KCNC2: variants seen among roughly 807,000 people sequenced by gnomAD.
KCNC2 encodes potassium voltage-gated channel subfamily C member 2, also known as voltage-gated potassium channel KCNC2.
KCNC2 carries 21 observed loss-of-function variants against 44.5 expected under a neutral mutation model. That is an observed-to-expected ratio of 0.47 (90% CI 0.33 to 0.68). KCNC2 has a LOEUF of 0.68. KCNC2 is among the 30% of genes least tolerant of loss of function. KCNC2 has a pLI of 0.01. For synonymous variants in KCNC2, 391 were observed against 339.1 expected (o/e 1.15, Z -1.68); for missense variants, 589 against 826.2 (o/e 0.71, Z 3.52).
At chr12:75,055,284 G>C (rs1881618890) in intron 2 of KCNC2, among the ~76,000 whole-genome samples, 1 of 151,678 alleles carries the variant, frequency 6.6e-6, no homozygotes, top group African/African-American at 2.4e-5. Context: ...ATGAATAAAA[G>C]GTAAGTAATA....
At chr12:75,110,680 G>A (rs1484268881) in intron 2 of KCNC2, among the ~76,000 whole-genome samples, 3 of 152,042 alleles carry the variant, frequency 2.0e-5, no homozygotes, top group Non-Finnish European at 4.4e-5. Context: ...TTGATATGTG[G>A]TGTTCTAATT....
chr12:75,131,987 G>C (rs1457857698), intron 2 of KCNC2, among the ~76,000 whole-genome samples: 6 of 152,112 alleles, frequency 3.9e-5, no homozygotes, highest in Non-Finnish European at 8.8e-5. Flanking sequence ...TGTTACAGTA[G>C]CCACAGAAAA....
intron 2 of KCNC2, among the ~76,000 whole-genome samples, chr12:75,197,810 A>T (rs906989243): frequency 2.0e-5 from 3 of 151,998 alleles, no homozygotes; most frequent in African/African-American, 7.2e-5. Context: ...GACTATAGTG[A>T]TAAAGAAACC....
At chr12:75,192,580 A>C (rs2030388092) in intron 2 of KCNC2, among the ~76,000 whole-genome samples, 1 of 152,202 alleles carries the variant, frequency 6.6e-6, no homozygotes, top group African/African-American at 2.4e-5. Flanking sequence ...AGAATTTTTC[A>C]TTTACTGTTA....
Position 75,042,206 on chromosome 12 carries a change from ATTT to A in KCNC2, c.*896_*898del. 5 of 1,057,078 alleles carry A rather than the reference ATTT, an allele frequency of 4.7e-6. No individual in the cohort carries two copies. The highest frequency in any genetic ancestry group is 3.8e-6 in the Non-Finnish European group (3 of 797,764). 65.5% of individuals were successfully genotyped at this position (1,057,078 alleles called of 1,614,324 possible). The stretch of plus-strand genomic sequence containing the variant: ...CTGAAAATGATGACAAACCCTGGGT[ATTT>A]TTTTTTTTTAAAGAGTCTAGAACCA... On this transcript the variant is annotated 3_prime_UTR_variant, in exon 5 of 5. Transcript: ENST00000549446.
intron 2 of KCNC2, among the ~76,000 whole-genome samples, chr12:75,096,735 C>T (rs191710350): frequency 1.2e-4 from 18 of 152,086 alleles, no homozygotes; most frequent in African/African-American, 3.4e-4. Context: ...AGGAAATAAG[C>T]TTATTCATAT....
At chr12:75,201,279 A>G (rs1389642796) in intron 2 of KCNC2, among the ~76,000 whole-genome samples, 1 of 123,682 alleles carries the variant, frequency 8.1e-6, no homozygotes, top group South Asian at 2.6e-4. Context: ...AAAAAAAAAA[A>G]AAAAAAAAAA....
chr12:75,090,178 C>T (rs1885353743), intron 2 of KCNC2, among the ~76,000 whole-genome samples: 1 of 151,796 alleles, frequency 6.6e-6, no homozygotes, highest in South Asian at 2.1e-4. Context: ...AAACACATTA[C>T]TTTCAGAAAT....
chr12:75,101,613 C>T (rs1331070399), intron 2 of KCNC2, among the ~76,000 whole-genome samples: 3 of 152,034 alleles, frequency 2.0e-5, no homozygotes, highest in Non-Finnish European at 4.4e-5. Context: ...TTTCTAAGAG[C>T]TAACGAGTGT....
intron 2 of KCNC2, among the ~76,000 whole-genome samples, chr12:75,105,409 G>C (rs1886702915): frequency 1.3e-5 from 1 of 79,104 alleles, no homozygotes; most frequent in South Asian, 3.5e-4. Context: ...GTGTAGATCT[G>C]TGGAAGGACT....
Position 75,051,183 on chromosome 12 carries a change from A to G in KCNC2, c.822T>C (p.Tyr274=). ...TCAAGGCAGGATCCGTTTCAATTTC[A>G]TACTGTAGAACAACACTTGTGCCAT... ...VINGTSVVLQ[Y]EIETDPALTY... is the part of the protein sequence containing the mutation. Residue 274 remains tyrosine, a synonymous_variant, in exon 3 of 5, where the codon TAT becomes TAC. Transcript: ENST00000549446. The G allele has an allele frequency of 6.2e-7, 1 of 1,613,754 alleles. No individual in the cohort carries two copies. Among genetic ancestry groups the G allele is most frequent in the Non-Finnish European group, 8.5e-7 (1 of 1,179,734 alleles).
chr12:75,164,043 T>C (rs1482707195), intron 2 of KCNC2, among the ~76,000 whole-genome samples: 1 of 151,654 alleles, frequency 6.6e-6, no homozygotes, highest in Non-Finnish European at 1.5e-5. Flanking sequence ...ATTCAGGAGC[T>C]CTCAAAGCTC....
chr12:75,095,273 T>C (rs1885826511), intron 2 of KCNC2, among the ~76,000 whole-genome samples: 1 of 151,854 alleles, frequency 6.6e-6, no homozygotes, highest in African/African-American at 2.4e-5. Context: ...AACTCTATTA[T>C]ATTCTCTTAG....
intron 2 of KCNC2, among the ~76,000 whole-genome samples, chr12:75,104,228 A>G (rs1886599629): frequency 6.6e-6 from 1 of 152,130 alleles, no homozygotes; most frequent in South Asian, 2.1e-4. Context: ...GGAGCAGACA[A>G]TGTCAATGAT....
rs779685638 is a variant in KCNC2, at chr12:75,207,793, G to T, written c.191C>A (p.Pro64Gln). 1 of 1,595,074 alleles carries T rather than the reference G, an allele frequency of 6.3e-7. No individual in the cohort carries two copies. Among genetic ancestry groups the T allele is most frequent in the African/African-American group, 1.4e-5 (1 of 73,600 alleles). ...GGGGGACAGCGGGGGCGCTCTCGGC[G>T]GCGGCGACAGTGGAGGCGGCGACGG... ...LQPSPPPLSP[P>Q]PRAPPLSPGP... Residue 64 changes from proline (P) to glutamine (Q), a missense_variant, in exon 2 of 5, where the codon CCG becomes CAG. Physicochemically the swap from Pro to Gln is moderately conservative, Grantham distance 76 (BLOSUM62 -1). Transcript: ENST00000549446. The surrounding 1 kb of genome is among the most constrained non-coding windows in gnomAD (Gnocchi z 4.1).
chr12:75,175,859 G>A (rs1302227455), intron 2 of KCNC2, among the ~76,000 whole-genome samples: 2 of 152,062 alleles, frequency 1.3e-5, no homozygotes, highest in African/African-American at 4.8e-5. Context: ...GGGTTGCCAG[G>A]TAATTATGGG....
chr12:75,061,566 TACACACACACACACACAC>T (rs59052402), intron 2 of KCNC2, among the ~76,000 whole-genome samples: 4 of 143,448 alleles, frequency 2.8e-5, no homozygotes, highest in South Asian at 2.3e-4. Context: ...AAGTGACAAG[TACACACACACACACACAC>T]ACACACACAC....
At chr12:75,187,861 G>C (rs2029867932) in intron 2 of KCNC2, among the ~76,000 whole-genome samples, 1 of 152,078 alleles carries the variant, frequency 6.6e-6, no homozygotes, top group South Asian at 2.1e-4. Flanking sequence ...CAGCACATAA[G>C]TAGTTACTGA....
At chr12:75,136,781 T>A (rs947670785) in intron 2 of KCNC2, among the ~76,000 whole-genome samples, 2 of 152,132 alleles carry the variant, frequency 1.3e-5, no homozygotes, top group Non-Finnish European at 2.9e-5. Context: ...CTACTGAAAC[T>A]GTTCCAAAAA....
Sources: gnomAD v4.1 joint callset for allele counts (sites outside exome capture counted in the v4.1 genomes callset) on GRCh38, gnomAD v4.1.1 for gene constraint, Gnocchi (gnomAD v3.1) non-coding constraint, MANE v1.5 for transcripts, NCBI Gene and HGNC (gene_info 2026-07-23, HGNC 2026-07-21) for gene names.